Variants in ME3 observed in about 807,000 individuals in gnomAD.
ME3 encodes the protein NADP-dependent malic enzyme, mitochondrial.
Under a neutral mutation model 68.9 loss-of-function variants are expected in ME3, and 48 were observed. The ratio of observed to expected loss-of-function variants is 0.70; its 90% CI spans 0.55 to 0.89. The LOEUF is 0.89. Among genes scored for constraint, ME3 ranks in the 40% least tolerant of loss-of-function variants. The pLI is 0.00. For missense variants in ME3, 675 were observed against 797.4 expected (o/e 0.85, Z 1.85); for synonymous variants, 320 against 318.8 (o/e 1.00, Z -0.04).
chr11:86,484,120 CAGG>C (rs1458805479), intron 7 of ME3, among the ~76,000 whole-genome samples: 1 of 152,164 alleles, frequency 6.6e-6, no homozygotes, highest in African/African-American at 2.4e-5. Context: ...AGCTCCACGG[CAGG>C]AACTGAGCCA....
downstream of ME3, among the ~76,000 whole-genome samples, chr11:86,438,223 A>G (rs905565813): frequency 6.6e-6 from 1 of 151,928 alleles, no homozygotes; most frequent in South Asian, 2.1e-4. Flanking sequence ...CTTCGTATCT[A>G]TTGGCATGAT....
chr11:86,480,408 T>G (rs1175194321), intron 7 of ME3, among the ~76,000 whole-genome samples: 1 of 152,206 alleles, frequency 6.6e-6, no homozygotes, highest in African/African-American at 2.4e-5. Flanking sequence ...ATAGGCATAT[T>G]TTTTGGGAAG....
chr11:86,493,096 G>T (rs77901674), intron 6 of ME3, among the ~76,000 whole-genome samples: 2,889 of 152,244 alleles, frequency 0.019, 43 homozygotes, highest in Admixed American at 0.029. Flanking sequence ...CTCTATGATG[G>T]CACCACATGG....
chr11:86,588,374 T>C (rs1958859281), intron 2 of ME3, among the ~76,000 whole-genome samples: 2 of 152,214 alleles, frequency 1.3e-5, no homozygotes, highest in African/African-American at 2.4e-5. Flanking sequence ...TAACACACAT[T>C]AATTACTTAA....
At chr11:86,460,192 G>C (rs1000528138) in intron 8 of ME3, among the ~76,000 whole-genome samples, 2 of 152,252 alleles carry the variant, frequency 1.3e-5, no homozygotes, top group African/African-American at 4.8e-5. Context: ...CCAGCAATGA[G>C]TCAGTGCATT....
intron 4 of ME3, among the ~76,000 whole-genome samples, chr11:86,526,757 G>C (rs915975753): frequency 6.6e-6 from 1 of 152,168 alleles, no homozygotes; most frequent in African/African-American, 2.4e-5. Context: ...AGGCGAACAG[G>C]GTCTGGAGTG....
exon 15 of ME3, chr11:86,441,351 A>T (rs912772230): frequency 1.2e-6 from 2 of 1,613,548 alleles, no homozygotes; most frequent in Non-Finnish European, 1.7e-6. Context: ...CATAGTCTGG[A>T]GTGTAGACCA....
At chr11:86,506,723 C>T (rs987736275) in intron 5 of ME3, among the ~76,000 whole-genome samples, 1 of 152,204 alleles carries the variant, frequency 6.6e-6, no homozygotes, top group African/African-American at 2.4e-5. Context: ...GTGTAAGCAT[C>T]TACTGAGTGC....
chr11:86,447,332 A>G, intron 11 of ME3, 125 bp from the exon 12 acceptor site: 1 of 1,302,614 alleles, frequency 7.7e-7, no homozygotes, highest in Non-Finnish European at 1.1e-6. Context: ...AGCATCTGCC[A>G]CAAGGACTGA....
At chr11:86,495,046 A>T (rs1177827280) in intron 6 of ME3, among the ~76,000 whole-genome samples, 1 of 152,240 alleles carries the variant, frequency 6.6e-6, no homozygotes, top group Non-Finnish European at 1.5e-5. Context: ...TTTAGCAATA[A>T]AAATTCTAAA....
chr11:86,646,468 T>G (rs1461428263), intron 2 of ME3, among the ~76,000 whole-genome samples: 3 of 152,282 alleles, frequency 2.0e-5, no homozygotes, highest in African/African-American at 4.8e-5. Flanking sequence ...GTAGATTAAC[T>G]TAGTAAAATA....
At chr11:86,637,349 C>CAAAAAAAAAAAAA (rs11402713) in intron 2 of ME3, among the ~76,000 whole-genome samples, 1 of 122,056 alleles carries the variant, frequency 8.2e-6, no homozygotes, top group African/African-American at 3.1e-5. Context: ...ACAAGAAGCA[C>CAAAAAAAAAAAAA]AAAAAAAAAA....
intron 2 of ME3, among the ~76,000 whole-genome samples, chr11:86,601,037 A>G (rs1960556496): frequency 6.6e-6 from 1 of 152,140 alleles, no homozygotes; most frequent in African/African-American, 2.4e-5. Context: ...ATCACAATGA[A>G]AAGAACTAGA....
intron 8 of ME3, among the ~76,000 whole-genome samples, chr11:86,463,453 C>A (rs1255063341): frequency 6.6e-6 from 1 of 152,214 alleles, no homozygotes; most frequent in Non-Finnish European, 1.5e-5. Flanking sequence ...AGAATGCTTC[C>A]CCCCACCAGC....
intron 2 of ME3, among the ~76,000 whole-genome samples, chr11:86,601,825 G>T (rs1458184277): frequency 1.3e-5 from 2 of 151,590 alleles, no homozygotes; most frequent in African/African-American, 4.9e-5. Context: ...ATGTAATCCA[G>T]CATATAAACA....
At chr11:86,598,889 T>A (rs367874860) in intron 2 of ME3, among the ~76,000 whole-genome samples, 18 of 152,064 alleles carry the variant, frequency 1.2e-4, no homozygotes, top group African/African-American at 3.9e-4. Flanking sequence ...CAGGTGAGGG[T>A]CCTGTCTGTT....
In ME3 at chr11:86,567,243, A is replaced by AAAAGGAAGGAAGGAAGGAAGG. The variant is rs1437097148; in HGVS notation, c.184-7421_184-7420insCCTTCCTTCCTTCCTTCCTTT. On this transcript the variant is annotated intron_variant, in intron 2 of 14. Transcript: ENST00000543262. ...AAAGAAAGAAAGAAAGAAAAGAAAG[A>AAAAGGAAGGAAGGAAGGAAGG]AAGGAAGGAAGGAAGGAAGGAAGGA... Among the ~76,000 whole-genome samples, 9 of 144,464 alleles carry AAAAGGAAGGAAGGAAGGAAGG rather than the reference A, an allele frequency of 6.2e-5. No individual in the cohort carries two copies. In the Admixed American group the frequency reaches 6.3e-4, roughly 10 times the overall value. 94.8% of individuals were successfully genotyped at this position (144,464 alleles called of 152,430 possible). A position where few individuals can be genotyped will look rare whatever the true frequency, so the allele number is the denominator to read the frequency against.
intron 4 of ME3, among the ~76,000 whole-genome samples, chr11:86,535,076 A>G (rs1293915827): frequency 6.6e-6 from 1 of 152,148 alleles, no homozygotes; most frequent in Non-Finnish European, 1.5e-5. Context: ...CAGTTCAATA[A>G]TCAAAATCAT....
At chr11:86,537,280 G>GTA (rs1955743262) in intron 4 of ME3, among the ~76,000 whole-genome samples, 1 of 145,112 alleles carries the variant, frequency 6.9e-6, no homozygotes, top group Non-Finnish European at 1.5e-5. Flanking sequence ...AAAACTTAAA[G>GTA]TATAATAAAA....
Sources: gnomAD v4.1 joint callset for allele counts (sites outside exome capture counted in the v4.1 genomes callset) on GRCh38, gnomAD v4.1.1 for gene constraint, MANE v1.5 for transcripts, NCBI Gene and HGNC (gene_info 2026-07-23, HGNC 2026-07-21) for gene names.